Variants in LRRC61 observed in about 807,000 individuals in gnomAD.
LRRC61 encodes leucine rich repeat containing 61, also known as leucine-rich repeat-containing protein 61.
Under a neutral mutation model 15.1 loss-of-function variants are expected in LRRC61, and 9 were observed. That is an observed-to-expected ratio of 0.60 (90% CI 0.36 to 1.04). LRRC61 has a LOEUF of 1.04. Ranked by LOEUF, LRRC61 falls within the 50% of genes least tolerant of loss-of-function variation. LRRC61 has a pLI of 0.01. For synonymous variants in LRRC61, 173 were observed against 158.6 expected (o/e 1.09, Z -0.68); for missense variants, 344 against 335.6 (o/e 1.03, Z -0.20).
rs201077166 is a variant in LRRC61, at chr7:150,337,443, C to G, written c.582C>G (p.Thr194=). ...RPSSSPGPRA[T]EAQPWVEPGY... is the part of the protein sequence containing the mutation. Reference sequence around the variant, plus strand: ...GCTCCAGTCCAGGCCCCAGAGCCACCGAGGCCCAGCCCTGGGTGGAGCCAG... The same window carrying G: ...GCTCCAGTCCAGGCCCCAGAGCCACGGAGGCCCAGCCCTGGGTGGAGCCAG... Residue 194 remains threonine (T), a synonymous_variant, in exon 3 of 3, where the codon ACC becomes ACG. Transcript: ENST00000359623. 1 of 1,604,372 alleles carries G rather than the reference C, an allele frequency of 6.2e-7. No individual in the cohort carries two copies. Among genetic ancestry groups the G allele is most frequent in the African/African-American group, 1.3e-5 (1 of 74,924 alleles).
Position 150,333,759 on chromosome 7 carries a change from G to A in LRRC61, c.-144-2959G>A, listed in dbSNP as rs1798190086. On this transcript the variant is annotated intron_variant, in intron 2 of 2. Coordinates refer to ENST00000359623, the MANE Select transcript of LRRC61 (RefSeq NM_001142928.2). The surrounding 1 kb of genome is among the most constrained non-coding windows in gnomAD (Gnocchi z 4.3). ...TCCTTCTGGAGGAGTGCTGAAGCAGGTGGACGTGCGGGAAGCCATCCTCCT... is the reference window on the plus strand; with the variant it reads ...TCCTTCTGGAGGAGTGCTGAAGCAGATGGACGTGCGGGAAGCCATCCTCCT... 6.6e-6 allele frequency among the ~76,000 whole-genome samples: 1 copy of A among 152,214 alleles called. No individual in the cohort carries two copies. Among genetic ancestry groups the A allele is most frequent in the African/African-American group, 2.4e-5 (1 of 41,458 alleles).
rs1585048378 is a variant in LRRC61, at chr7:150,334,935, T to C, written c.-144-1783T>C. On this transcript the variant is annotated intron_variant, in intron 2 of 2. Coordinates refer to ENST00000359623, the MANE Select transcript of LRRC61 (RefSeq NM_001142928.2). ...TACTTGGGAGGCTGAGGCAGGAGAA[T>C]CGCTTGAACCCAGGAGGCGGAGGTT... Among the ~76,000 whole-genome samples the C allele has an allele frequency of 3.3e-5, 5 of 150,806 alleles. No individual in the cohort carries two copies. In the South Asian group the frequency reaches 1.0e-3, roughly 31 times the overall value.
rs1798368107 is a variant in LRRC61, at chr7:150,338,004, A to G, written c.*363A>G. The stretch of plus-strand genomic sequence containing the variant: ...TCTCAGCTGTTGGGAGACAGTAGGC[A>G]GGCTGAGTGGCCCAGAGCACTCCTG... On this transcript the variant is annotated 3_prime_UTR_variant, in exon 3 of 3. Transcript: ENST00000359623. The G allele has an allele frequency of 1.7e-5, 7 of 412,240 alleles. No homozygotes were observed. The highest frequency in any genetic ancestry group is 1.7e-4 in the South Asian group (7 of 42,132). The allele number at this position is 412,240 out of a possible 1,614,324, so 25.5% of individuals were successfully genotyped here.
chr7:150,313,306 C>T, the LRRC61 span, among the ~76,000 whole-genome samples: 1 of 152,160 alleles, frequency 6.6e-6, no homozygotes, highest in South Asian at 2.1e-4. Context: ...GGTGGGACAA[C>T]TTGAAATGGG....
At chr7:150,319,123 C>T (rs774259375), upstream of LRRC61, among the ~76,000 whole-genome samples, 2 of 152,146 alleles carry the variant, frequency 1.3e-5, no homozygotes, top group South Asian at 2.1e-4. Flanking sequence ...TTAAAGTGTA[C>T]ACTCTACTGG....
intron 2 of LRRC61, among the ~76,000 whole-genome samples, chr7:150,329,334 A>T (rs1304848795): frequency 6.6e-6 from 1 of 152,240 alleles, no homozygotes; most frequent in Non-Finnish European, 1.5e-5. Flanking sequence ...AAAAGCTAAG[A>T]TGCACGGACG....
upstream of LRRC61, chr7:150,322,815 C>T (rs1210161032): frequency 2.0e-5 from 3 of 152,258 alleles, no homozygotes; most frequent in Non-Finnish European, 4.4e-5. Flanking sequence ...TGGATCGGGA[C>T]CCCTTTCTGA....
Position 150,330,028 on chromosome 7 carries a change from G to A in LRRC61, c.-145+4018G>A, listed in dbSNP as rs971577022. On this transcript the variant is annotated intron_variant, in intron 2 of 2. Coordinates refer to ENST00000359623, the MANE Select transcript of LRRC61 (RefSeq NM_001142928.2). The surrounding 1 kb of genome is among the most constrained non-coding windows in gnomAD (Gnocchi z 4.6). The stretch of plus-strand genomic sequence containing the variant: ...CCCAGCCTGGAGCAGGCGGCCAAGG[G>A]TGAGGGCTGTTCCCCCATCCCTTGT... 1 of 214,660 alleles carries A rather than the reference G, an allele frequency of 4.7e-6. No homozygotes were observed. Among genetic ancestry groups the A allele is most frequent in the Admixed American group, 5.3e-5 (1 of 18,944 alleles). 13.3% of individuals were successfully genotyped at this position (214,660 alleles called of 1,614,324 possible).
the LRRC61 span, among the ~76,000 whole-genome samples, chr7:150,310,572 C>T: frequency 4.0e-5 from 6 of 151,564 alleles, no homozygotes; most frequent in African/African-American, 1.5e-4. Context: ...CCCCCTTCCA[C>T]AACTCATTAT....
At chr7:150,323,806 A>T in intron 1 of LRRC61, 1 of 423,846 alleles carries the variant, frequency 2.4e-6, no homozygotes, top group Non-Finnish European at 4.7e-6. Flanking sequence ...TGCTGTTACT[A>T]TTCCCGTAAT....
intron 2 of LRRC61, chr7:150,329,702 T>C (rs1798045352): frequency 6.6e-6 from 1 of 152,332 alleles, no homozygotes; most frequent in Non-Finnish European, 1.5e-5. Flanking sequence ...TGATTACCTG[T>C]CCTTCTTAAA....
Position 150,336,749 on chromosome 7 carries a change from C to A in LRRC61, c.-113C>A. On this transcript the variant is annotated 5_prime_UTR_variant, in exon 3 of 3. Coordinates refer to ENST00000359623, the MANE Select transcript of LRRC61 (RefSeq NM_001142928.2). Reference sequence around the variant, plus strand: ...GCTGGCTTCGAGCAGGGCATCGGAACCAGGCCTCCTGGCACTGGCCTGGGT... The same window carrying A: ...GCTGGCTTCGAGCAGGGCATCGGAAACAGGCCTCCTGGCACTGGCCTGGGT... 7.0e-7 allele frequency: 1 copy of A among 1,424,406 alleles called. No homozygotes were observed. The highest frequency in any genetic ancestry group is 1.4e-5 in the African/African-American group (1 of 70,274). 88.2% of individuals were successfully genotyped at this position (1,424,406 alleles called of 1,614,324 possible).
intron 2 of LRRC61, chr7:150,328,857 C>T (rs117511571): frequency 0.014 from 2,168 of 152,322 alleles, 84 homozygotes; most frequent in East Asian, 0.13. Context: ...CGAATACACA[C>T]GCATACCCTC....
chr7:150,335,244 A>G lies in LRRC61; in HGVS notation c.-144-1474A>G, dbSNP rs1389217997. ...GCCAGAGCAGCTTTAATCAAATGCA[A>G]AGTTGATTGCATCACTCCCTGTTTA... On this transcript the variant is annotated intron_variant, in intron 2 of 2. Transcript: ENST00000359623. The surrounding 1 kb of genome is among the most constrained non-coding windows in gnomAD (Gnocchi z 4.3). Among the ~76,000 whole-genome samples the G allele has an allele frequency of 6.6e-6, 1 of 152,186 alleles. No homozygotes were observed. Among genetic ancestry groups the G allele is most frequent in the Non-Finnish European group, 1.5e-5 (1 of 68,040 alleles).
At chr7:150,320,799 T>G (rs1797433514), upstream of LRRC61, among the ~76,000 whole-genome samples, 1 of 152,164 alleles carries the variant, frequency 6.6e-6, no homozygotes, top group Non-Finnish European at 1.5e-5. Flanking sequence ...CTTTTTCCAT[T>G]AACTTGTTTC....
chr7:150,318,045 A>T, the LRRC61 span, among the ~76,000 whole-genome samples: 1 of 152,168 alleles, frequency 6.6e-6, no homozygotes, highest in Non-Finnish European at 1.5e-5. Flanking sequence ...TCTCAATGGG[A>T]TGATGTCGGG....
chr7:150,320,201 G>A (rs905071651), upstream of LRRC61, among the ~76,000 whole-genome samples: 4 of 152,210 alleles, frequency 2.6e-5, no homozygotes, highest in Admixed American at 6.5e-5. Flanking sequence ...AGGGTGAGTC[G>A]CAAAGTACAG....
chr7:150,323,771 A>G, intron 1 of LRRC61: 1 of 447,312 alleles, frequency 2.2e-6, no homozygotes, highest in South Asian at 1.6e-5. Flanking sequence ...TAACTCGTTT[A>G]ACACTAACAA....
chr7:150,335,680 G>C lies in LRRC61; in HGVS notation c.-144-1038G>C, dbSNP rs1402967887. On this transcript the variant is annotated intron_variant, in intron 2 of 2. Coordinates refer to ENST00000359623, the MANE Select transcript of LRRC61 (RefSeq NM_001142928.2). The surrounding 1 kb of genome is among the most constrained non-coding windows in gnomAD (Gnocchi z 4.3). ...AGGGCAGGCATCACCCCGCCGGCCT[G>C]GGTGAGACTCCTGGGTCTGGGCCTG... 1.3e-5 allele frequency among the ~76,000 whole-genome samples: 2 copies of C among 152,222 alleles called. No individual in the cohort carries two copies. Among genetic ancestry groups the C allele is most frequent in the Non-Finnish European group, 2.9e-5 (2 of 68,040 alleles).
Sources: allele counts gnomAD v4.1 joint callset (sites outside exome capture counted in the v4.1 genomes callset), GRCh38; gene constraint gnomAD v4.1.1; non-coding constraint Gnocchi (gnomAD v3.1); transcripts MANE v1.5; gene names NCBI Gene and HGNC (gene_info 2026-07-23, HGNC 2026-07-21).